Variants in EDARADD observed in about 807,000 individuals in gnomAD.
EDARADD encodes ectodysplasin-A receptor-associated adapter protein.
EDARADD carries 20 observed loss-of-function variants against 25.6 expected under a neutral mutation model. The observed-to-expected ratio is 0.78, with a 90% CI of 0.55 to 1.14. EDARADD has a LOEUF of 1.14. EDARADD is among the 50% of genes most tolerant of loss of function. EDARADD has a pLI of 0.00. For missense variants in EDARADD, 225 were observed against 270.1 expected, an observed-to-expected ratio of 0.83 and a Z score of 1.17; for synonymous variants, 86 against 94.4, an observed-to-expected ratio of 0.91 and a Z score of 0.52.
At position 236,483,750 on chromosome 1, in the gene EDARADD, A is replaced by C; in HGVS notation, c.*1101A>C. On this transcript the variant is annotated 3_prime_UTR_variant, in exon 6 of 6. Transcript: ENST00000334232. ...GGTTTACCACAGCCTGAAGAATGTC[A>C]TCAAGGAGAAATATGGGAAAGATGC... 2.7e-6 allele frequency: 4 copies of C among 1,502,398 alleles called. No individual in the cohort carries two copies. Among genetic ancestry groups the C allele is most frequent in the African/African-American group, 1.4e-5 (1 of 72,584 alleles). The allele number at this position is 1,502,398 out of a possible 1,614,324, so 93.1% of individuals were successfully genotyped here. A position where few individuals can be genotyped will look rare whatever the true frequency, so the allele number is the denominator to read the frequency against.
At chr1:236,426,417 G>T (rs943776810) in intron 3 of EDARADD, among the ~76,000 whole-genome samples, 11 of 152,316 alleles carry the variant, frequency 7.2e-5, no homozygotes, top group African/African-American at 2.2e-4. Context: ...CAGGGGAGGA[G>T]GACACTGCCC....
intron 3 of EDARADD, among the ~76,000 whole-genome samples, chr1:236,368,119 G>GA (rs1169449249): frequency 6.6e-6 from 1 of 151,930 alleles, no homozygotes; most frequent in African/African-American, 2.4e-5. Flanking sequence ...CAAATAAAAA[G>GA]AAAAAATCCA....
chr1:236,358,522 C>T (rs1381001701), intron 3 of EDARADD, among the ~76,000 whole-genome samples: 1 of 152,160 alleles, frequency 6.6e-6, no homozygotes, highest in Non-Finnish European at 1.5e-5. Context: ...CTATAAATTT[C>T]CCTCTTAACA....
In EDARADD at chr1:236,427,949, TTTTA is replaced by T. The variant is rs1338508978; in HGVS notation, c.219+500_219+503del. On this transcript the variant is annotated intron_variant, in intron 4 of 5. Coordinates refer to ENST00000334232, the MANE Select transcript of EDARADD (RefSeq NM_145861.4). ...AATTCATATTTTTTAATTGTAATTT[TTTTA>T]ATTTATTTATTTTATTTTATTTTAT... Among the ~76,000 whole-genome samples, 40 of 139,638 alleles carry T rather than the reference TTTTA, an allele frequency of 2.9e-4. No homozygotes were observed. In the South Asian group the frequency reaches 4.8e-3, roughly 17 times the overall value. The allele number at this position is 139,638 out of a possible 152,430, so 91.6% of individuals were successfully genotyped here. A position where few individuals can be genotyped will look rare whatever the true frequency, so the allele number is the denominator to read the frequency against.
At chr1:236,437,245 A>G (rs1288302934) in intron 4 of EDARADD, among the ~76,000 whole-genome samples, 2 of 152,212 alleles carry the variant, frequency 1.3e-5, no homozygotes, top group Non-Finnish European at 2.9e-5. Flanking sequence ...AGTTGAACAG[A>G]GAAATACTTG....
chr1:236,411,417 C>T (rs1169386055), intron 2 of EDARADD, among the ~76,000 whole-genome samples: 1 of 152,170 alleles, frequency 6.6e-6, no homozygotes, highest in Admixed American at 6.5e-5. Context: ...AACTCCTCAG[C>T]TTATAGAGGC....
chr1:236,478,114 AAAGG>A (rs1291912530), intron 5 of EDARADD, among the ~76,000 whole-genome samples: 2 of 150,862 alleles, frequency 1.3e-5, no homozygotes, highest in African/African-American at 5.0e-5. Context: ...AAAAGAAAGA[AAAGG>A]AAAGAAAAAA....
At chr1:236,463,526 C>G (rs951674842) in intron 4 of EDARADD, among the ~76,000 whole-genome samples, 2 of 152,236 alleles carry the variant, frequency 1.3e-5, no homozygotes, top group African/African-American at 4.8e-5. Context: ...CTCCCGACCT[C>G]AGGTGATCAG....
intron 3 of EDARADD, among the ~76,000 whole-genome samples, chr1:236,354,798 C>T (rs1166248584): frequency 6.6e-6 from 1 of 152,132 alleles, no homozygotes; most frequent in African/African-American, 2.4e-5. Context: ...TGTAGGTCAC[C>T]TTTAACGTAA....
intron 4 of EDARADD, among the ~76,000 whole-genome samples, chr1:236,452,493 C>T (rs970428779): frequency 1.5e-5 from 2 of 137,630 alleles, no homozygotes; most frequent in Admixed American, 7.6e-5. Flanking sequence ...AGTGTGTGGC[C>T]GATCCCCCCT....
chr1:236,434,009 G>T (rs1658176335), intron 4 of EDARADD, among the ~76,000 whole-genome samples: 1 of 151,934 alleles, frequency 6.6e-6, no homozygotes, highest in Non-Finnish European at 1.5e-5. Flanking sequence ...CCATCCTGTT[G>T]CTCCATGGTC....
intron 4 of EDARADD, among the ~76,000 whole-genome samples, chr1:236,453,748 G>A (rs1222376236): frequency 6.6e-6 from 1 of 152,178 alleles, no homozygotes; most frequent in Non-Finnish European, 1.5e-5. Context: ...CACCATCCAG[G>A]TTTGTGTAAG....
At chr1:236,436,668 G>A (rs1007532833) in intron 4 of EDARADD, among the ~76,000 whole-genome samples, 1 of 148,518 alleles carries the variant, frequency 6.7e-6, no homozygotes, top group Non-Finnish European at 1.5e-5. Context: ...CTCTTTTTTA[G>A]AGGCAGGACT....
intron 4 of EDARADD, among the ~76,000 whole-genome samples, 196 bp from the exon 5 acceptor site, chr1:236,468,035 C>G (rs972319125): frequency 1.6e-4 from 25 of 152,126 alleles, no homozygotes; most frequent in African/African-American, 2.4e-4. Flanking sequence ...AACAAAAGCC[C>G]CTGCGCTCAA....
chr1:236,435,341 A>G (rs1658217597), intron 4 of EDARADD, among the ~76,000 whole-genome samples: 1 of 152,228 alleles, frequency 6.6e-6, no homozygotes, highest in Non-Finnish European at 1.5e-5. Flanking sequence ...ATGTTTGCTG[A>G]CTATTTCATT....
chr1:236,429,523 G>A (rs3119827), intron 4 of EDARADD, among the ~76,000 whole-genome samples: 67,177 of 150,130 alleles, frequency 0.45, 17,298 homozygotes, highest in Non-Finnish European at 0.59. Flanking sequence ...GACTACAGGC[G>A]CCCGCCACCA....
At chr1:236,348,983 A>T (rs943276998) in intron 2 of EDARADD, 8 of 152,204 alleles carry the variant, frequency 5.3e-5, no homozygotes, top group African/African-American at 1.9e-4. Flanking sequence ...CCAAAATAAA[A>T]TAAAAATAAA....
chr1:236,466,793 G>A (rs539320606), intron 4 of EDARADD, among the ~76,000 whole-genome samples: 55 of 152,314 alleles, frequency 3.6e-4, no homozygotes, highest in African/African-American at 1.3e-3. Flanking sequence ...AACATGCTGG[G>A]CACTGTGGCT....
chr1:236,478,910 C>T (rs1169187455), intron 5 of EDARADD, among the ~76,000 whole-genome samples: 1 of 151,950 alleles, frequency 6.6e-6, no homozygotes, highest in Non-Finnish European at 1.5e-5. Context: ...AGTGAAGTAA[C>T]TCAGGAATGG....
Sources: gnomAD v4.1 joint callset for allele counts (sites outside exome capture counted in the v4.1 genomes callset) on GRCh38, gnomAD v4.1.1 for gene constraint, MANE v1.5 for transcripts, NCBI Gene and HGNC (gene_info 2026-07-23, HGNC 2026-07-21) for gene names.